VPS8: variants seen among roughly 807,000 people sequenced by gnomAD.
The protein encoded by VPS8 is VPS8 subunit of CORVET complex.
VPS8 carries 129 observed loss-of-function variants against 216.4 expected under a neutral mutation model. The ratio of observed to expected loss-of-function variants is 0.60; its 90% CI spans 0.52 to 0.69. The LOEUF (loss-of-function observed/expected upper bound fraction) is 0.69, where lower values mean the gene tolerates loss of function less well. Among genes scored for constraint, VPS8 ranks in the 30% least tolerant of loss-of-function variants. The probability of loss-of-function intolerance (pLI) is 0.00; values close to 1 mark genes in which losing one functional copy is unlikely to be tolerated. For synonymous variants in VPS8, 571 were observed against 565.4 expected (o/e 1.01, Z -0.14); for missense variants, 1,531 against 1,683.5 (o/e 0.91, Z 1.59).
chr3:185,021,979 T>C (rs1224400717), intron 45 of VPS8, among the ~76,000 whole-genome samples: 2 of 152,158 alleles, frequency 1.3e-5, no homozygotes, highest in Non-Finnish European at 2.9e-5. Context: ...GCCCTTGATA[T>C]GGTTTGGCCA....
At position 184,930,492 on chromosome 3, in the gene VPS8, A is replaced by G; in HGVS notation, c.2822A>G (p.His941Arg). Residue 941 changes from histidine to arginine, a missense_variant, in exon 34 of 48, where the codon CAC (histidine) becomes CGC (arginine). Physicochemically the swap from His to Arg is conservative, Grantham distance 29. Around this residue, in one of 3 missense-constraint regions of VPS8, gnomAD observed 1,318 missense variants for 1,468.4 expected, o/e 0.90. Transcript: ENST00000625842. ...CAGGAAGAAGTCTTTAATTACATTC[A>G]CAATATCTTATCCATTCCCGGACAC... Reference protein sequence around the residue: ...LREEEVFNYIHNILSIPGHSA... With the variant: ...LREEEVFNYIRNILSIPGHSA... The G allele has an allele frequency of 6.2e-7, 1 of 1,612,994 alleles. No homozygotes were observed. Among genetic ancestry groups the G allele is most frequent in the Non-Finnish European group, 8.5e-7 (1 of 1,179,058 alleles).
chr3:184,863,306 CAA>C (rs1220785512), intron 16 of VPS8, among the ~76,000 whole-genome samples: 2 of 152,142 alleles, frequency 1.3e-5, no homozygotes, highest in South Asian at 2.1e-4. Flanking sequence ...TACTTAATAA[CAA>C]AGAGTTTTAA....
At chr3:184,968,436 AT>A (rs1461086889) in intron 39 of VPS8, among the ~76,000 whole-genome samples, 1 of 152,092 alleles carries the variant, frequency 6.6e-6, no homozygotes, top group Non-Finnish European at 1.5e-5. Flanking sequence ...AATTCTGTTA[AT>A]TTTTTGAGGA....
intron 46 of VPS8, among the ~76,000 whole-genome samples, chr3:185,028,556 A>G (rs561952200): frequency 6.6e-6 from 1 of 152,346 alleles, no homozygotes; most frequent in Non-Finnish European, 1.5e-5. Context: ...AGAAAGACCA[A>G]TTGGAAGAGT....
chr3:184,990,285 T>C (rs1245933801), intron 42 of VPS8, among the ~76,000 whole-genome samples: 1 of 152,102 alleles, frequency 6.6e-6, no homozygotes, highest in African/African-American at 2.4e-5. Flanking sequence ...CCACCCTCAC[T>C]GCAGCCCCAA....
At chr3:184,851,692 G>C (rs1184191244) in intron 10 of VPS8, among the ~76,000 whole-genome samples, 20 of 152,122 alleles carry the variant, frequency 1.3e-4, no homozygotes, top group Non-Finnish European at 5.9e-5. Flanking sequence ...TCTTAACTAT[G>C]CGTGTGTTTG....
At chr3:184,950,408 A>G (rs1397807954) in intron 36 of VPS8, among the ~76,000 whole-genome samples, 3 of 151,506 alleles carry the variant, frequency 2.0e-5, no homozygotes, top group Non-Finnish European at 4.4e-5. Flanking sequence ...TGTAAAAGCA[A>G]TATATGAAGG....
At chr3:184,823,096 G>T (rs144052706) in intron 1 of VPS8, among the ~76,000 whole-genome samples, 1 of 152,282 alleles carries the variant, frequency 6.6e-6, no homozygotes, top group Admixed American at 6.5e-5. Context: ...TGATAAAAAT[G>T]AAACATCAAA....
At chr3:184,923,990 G>A (rs1385845593) in intron 29 of VPS8, among the ~76,000 whole-genome samples, 2 of 152,132 alleles carry the variant, frequency 1.3e-5, no homozygotes, top group African/African-American at 4.8e-5. Context: ...AAGATGTTAT[G>A]TCTTTTCCTT....
At chr3:184,969,015 A>G (rs1015407173) in intron 39 of VPS8, among the ~76,000 whole-genome samples, 5 of 152,212 alleles carry the variant, frequency 3.3e-5, no homozygotes, top group East Asian at 1.9e-4. Flanking sequence ...GTTCAACTGG[A>G]CACTTAATTA....
chr3:185,030,367 C>G (rs1257107998), intron 46 of VPS8, among the ~76,000 whole-genome samples: 1 of 152,206 alleles, frequency 6.6e-6, no homozygotes, highest in Non-Finnish European at 1.5e-5. Flanking sequence ...CCTCTCTGAG[C>G]AACCCCTGGT....
At chr3:184,877,160 A>G (rs962241217) in intron 21 of VPS8, among the ~76,000 whole-genome samples, 4 of 152,154 alleles carry the variant, frequency 2.6e-5, no homozygotes, top group African/African-American at 7.2e-5. Flanking sequence ...TTGTAGCTCA[A>G]CTAGCTCTGT....
Position 184,995,763 on chromosome 3 carries a change from G to A in VPS8, c.3667-569G>A, listed in dbSNP as rs186992340. Among the ~76,000 whole-genome samples, 80 of 152,316 alleles carry A rather than the reference G, an allele frequency of 5.3e-4. 5 individuals carry two copies. In the South Asian group the frequency reaches 7.9e-3, roughly 15 times the overall value. ...AATGTCTTTATGTGACTTAATGATA[G>A]ATGTCATGGTCTTGAGTAGATGCAA... On this transcript the variant is annotated intron_variant, in intron 43 of 47. Transcript: ENST00000625842.
chr3:184,878,782 T>C (rs538147498), intron 21 of VPS8, among the ~76,000 whole-genome samples: 62 of 152,316 alleles, frequency 4.1e-4, no homozygotes, highest in East Asian at 9.6e-4. Flanking sequence ...TACACACATA[T>C]ACATGCAGAG....
At chr3:184,841,261 AT>A (rs942561155) in intron 7 of VPS8, among the ~76,000 whole-genome samples, 3 of 152,124 alleles carry the variant, frequency 2.0e-5, no homozygotes. Flanking sequence ...AATCCCTAAC[AT>A]TTTTGTATGT....
intron 36 of VPS8, among the ~76,000 whole-genome samples, chr3:184,943,339 G>T (rs990506974): frequency 6.6e-6 from 1 of 152,168 alleles, no homozygotes; most frequent in African/African-American, 2.4e-5. Flanking sequence ...AGAAGAAAGC[G>T]CAGAGCACAT....
intron 32 of VPS8, among the ~76,000 whole-genome samples, 190 bp from the exon 33 acceptor site, chr3:184,929,390 A>G (rs200877171): frequency 6.6e-6 from 1 of 151,978 alleles, no homozygotes; most frequent in South Asian, 2.1e-4. Context: ...GGGTCTTGCT[A>G]TGCTGCCCAG....
At chr3:184,938,830 C>A (rs2109309614) in intron 35 of VPS8, among the ~76,000 whole-genome samples, 1 of 151,454 alleles carries the variant, frequency 6.6e-6, no homozygotes, top group East Asian at 1.9e-4. Context: ...GAGCTCAAGA[C>A]CAGCCTGGGC....
At chr3:184,973,585 T>C (rs1748784237) in intron 40 of VPS8, among the ~76,000 whole-genome samples, 2 of 152,206 alleles carry the variant, frequency 1.3e-5, no homozygotes, top group African/African-American at 4.8e-5. Flanking sequence ...GGTTTTGAAA[T>C]ATGCAATAAA....
Sources: gnomAD v4.1 joint callset for allele counts (sites outside exome capture counted in the v4.1 genomes callset) on GRCh38, gnomAD v4.1.1 for gene constraint, gnomAD v4.1.1 regional missense constraint, MANE v1.5 for transcripts, NCBI Gene and HGNC (gene_info 2026-07-23, HGNC 2026-07-21) for gene names.